Variants in PTGFRN observed in about 807,000 individuals in gnomAD.
PTGFRN encodes the protein prostaglandin F2 receptor inhibitor.
In PTGFRN, 35 loss-of-function variants were observed where a neutral mutation model predicts 83.2. The observed-to-expected ratio is 0.42, with a 90% CI of 0.32 to 0.56. PTGFRN has a LOEUF of 0.56. Ranked by LOEUF, PTGFRN falls within the 20% of genes least tolerant of loss-of-function variation. PTGFRN has a pLI of 0.11. For synonymous variants in PTGFRN, 519 were observed against 498.6 expected, an observed-to-expected ratio of 1.04 and a Z score of -0.55; for missense variants, 1,051 against 1,179.5, an observed-to-expected ratio of 0.89 and a Z score of 1.60.
At chr1:116,948,990 T>G (rs1256427586) in intron 3 of PTGFRN, among the ~76,000 whole-genome samples, 1 of 152,228 alleles carries the variant, frequency 6.6e-6, no homozygotes, top group Non-Finnish European at 1.5e-5. Flanking sequence ...GCGGCTATTG[T>G]TGTTTTTATA....
At chr1:116,974,490 TG>T in intron 7 of PTGFRN, 167 bp downstream of exon 7, 1 of 502,450 alleles carries the variant, frequency 2.0e-6, no homozygotes. Context: ...AAATACATGT[TG>T]AGTGGATGCA....
Position 116,984,960 on chromosome 1 carries a change from C to T in PTGFRN, c.2448C>T (p.Pro816=), listed in dbSNP as rs1305304723. The change falls in exon 8 of 9, where the codon CCC becomes CCT. Residue 816 remains proline, a synonymous_variant. Coordinates refer to ENST00000393203, the MANE Select transcript of PTGFRN (RefSeq NM_020440.4). The part of the protein sequence containing the change: ...WQKEAEIHSK[P]VFITVKMDVL... ...AGGAGGCAGAGATCCACTCCAAGCC[C>T]GTTTTTATAACTGTGAAGATGGATG... The T allele has an allele frequency of 9.3e-6, 15 of 1,613,872 alleles. No homozygotes were observed. Among genetic ancestry groups the T allele is most frequent in the Middle Eastern group, 3.3e-4 (2 of 6,056 alleles).
intron 1 of PTGFRN, among the ~76,000 whole-genome samples, chr1:116,930,006 C>G (rs1239248055): frequency 6.6e-6 from 1 of 152,188 alleles, no homozygotes; most frequent in Non-Finnish European, 1.5e-5. Flanking sequence ...TTTCTCTTTT[C>G]TCAGCACCCA....
intron 3 of PTGFRN, among the ~76,000 whole-genome samples, chr1:116,945,744 CTTTTT>C (rs5777292): frequency 7.7e-6 from 1 of 130,356 alleles, no homozygotes; most frequent in African/African-American, 2.8e-5. Flanking sequence ...TGTGAATCAG[CTTTTT>C]TTTTTTTTTT....
Position 116,941,855 on chromosome 1 carries a change from G to GGGAGCAGCTTTGT in PTGFRN, c.196_208dup (p.Leu70GlnfsTer68). The GGGAGCAGCTTTGT allele has an allele frequency of 6.2e-7, 1 of 1,614,158 alleles. No homozygotes were observed. Among genetic ancestry groups the GGGAGCAGCTTTGT allele is most frequent in the Non-Finnish European group, 8.5e-7 (1 of 1,180,010 alleles). On this transcript the variant is annotated frameshift_variant, in exon 2 of 9. Coordinates refer to ENST00000393203, the MANE Select transcript of PTGFRN (RefSeq NM_020440.4). LOFTEE classifies it high-confidence loss of function. This position sits in a 1 kb window ranked among gnomAD's most constrained non-coding sequence, Gnocchi z 5.0. ...CTTTGACTGGAGCTTCTCATCTTTG[G>GGGAGCAGCTTTGT]GGAGCAGCTTTGTGGAGCTTGCAAG...
At chr1:116,929,908 C>A (rs142776575) in intron 1 of PTGFRN, among the ~76,000 whole-genome samples, 1 of 152,200 alleles carries the variant, frequency 6.6e-6, no homozygotes, top group Non-Finnish European at 1.5e-5. Context: ...TGTTCCTTCT[C>A]TCCTGGCTCT....
intron 4 of PTGFRN, among the ~76,000 whole-genome samples, chr1:116,960,784 C>G (rs1650627902): frequency 6.6e-6 from 1 of 152,142 alleles, no homozygotes; most frequent in South Asian, 2.1e-4. Context: ...ACTGATGGGC[C>G]TCGAGTTCTG....
In PTGFRN at chr1:116,961,673, G is replaced by GA. The variant is rs745324400; in HGVS notation, c.1639+7dup. ...ACATATTTTGGGCATTAGAAGGTAGGAACTTTTTTCTTGTTATTCATTTTT... is the reference window on the plus strand; with the variant it reads ...ACATATTTTGGGCATTAGAAGGTAGGAAACTTTTTTCTTGTTATTCATTTTT... On this transcript the variant is annotated splice_donor_region_variant and intron_variant, in intron 5 of 8. Transcript: ENST00000393203. This position sits in a 1 kb window ranked among gnomAD's most constrained non-coding sequence, Gnocchi z 5.4. 6.3e-7 allele frequency: 1 copy of GA among 1,593,994 alleles called. No individual in the cohort carries two copies. The highest frequency in any genetic ancestry group is 1.4e-5 in the African/African-American group (1 of 73,824).
intron 1 of PTGFRN, among the ~76,000 whole-genome samples, chr1:116,932,209 T>C (rs1557960708): frequency 6.6e-6 from 1 of 152,222 alleles, no homozygotes; most frequent in Non-Finnish European, 1.5e-5. Flanking sequence ...ATAAATGAAG[T>C]GTAGTCTTCA....
rs531278323 is a variant in PTGFRN at position 116,953,853 on chromosome 1, C to CTTTTTT, written c.1213+4293_1213+4298dup. ...AGAAAGAAAAACTTCATGAATATTTCTTTTTTTTTTTTTTTTTGAGATGGA... is the reference window on the plus strand; with the variant it reads ...AGAAAGAAAAACTTCATGAATATTTCTTTTTTTTTTTTTTTTTTTTTTTGAGATGGA... On this transcript the variant is annotated intron_variant, in intron 4 of 8. Coordinates refer to ENST00000393203, the MANE Select transcript of PTGFRN (RefSeq NM_020440.4). Among the ~76,000 whole-genome samples the CTTTTTT allele has an allele frequency of 1.5e-5, 2 of 135,042 alleles. 1 individual carries two copies. Among genetic ancestry groups the CTTTTTT allele is most frequent in the Non-Finnish European group, 3.2e-5 (2 of 62,300 alleles). The allele number at this position is 135,042 out of a possible 152,430, so 88.6% of individuals were successfully genotyped here.
At chr1:116,979,704 T>C (rs904690248) in intron 7 of PTGFRN, among the ~76,000 whole-genome samples, 2 of 152,162 alleles carry the variant, frequency 1.3e-5, no homozygotes, top group African/African-American at 4.8e-5. Flanking sequence ...TCCTTACACC[T>C]TATACAAAAA....
At chr1:116,970,853 C>T (rs1219688253) in intron 6 of PTGFRN, among the ~76,000 whole-genome samples, 1 of 152,112 alleles carries the variant, frequency 6.6e-6, no homozygotes, top group African/African-American at 2.4e-5. Context: ...CCTTCCTGTC[C>T]CCTGATTTCA....
chr1:116,910,575 G>T (rs1649241755), intron 1 of PTGFRN, among the ~76,000 whole-genome samples: 1 of 152,044 alleles, frequency 6.6e-6, no homozygotes, highest in South Asian at 2.1e-4. Context: ...GCCGCCGGGA[G>T]CCCGGCTCAC....
Position 116,967,129 on chromosome 1 carries a change from A to G in PTGFRN, c.1858A>G (p.Thr620Ala). The G allele has an allele frequency of 1.2e-6, 2 of 1,614,190 alleles. No homozygotes were observed. The highest frequency in any genetic ancestry group is 8.5e-7 in the Non-Finnish European group (1 of 1,180,044). ...QDSVVKLENW[T>A]DASRVDGVVL... Reference sequence around the variant, plus strand: ...TTCTGTGGTGAAGCTGGAGAATTGGACAGATGCATCACGGGTGGATGGCGT... The same window carrying G: ...TTCTGTGGTGAAGCTGGAGAATTGGGCAGATGCATCACGGGTGGATGGCGT... Residue 620 changes from threonine to alanine, a missense_variant, in exon 6 of 9, where the codon ACA (threonine) becomes GCA (alanine). By Grantham distance (58) the Thr-to-Ala change is moderately conservative. Coordinates refer to ENST00000393203, the MANE Select transcript of PTGFRN (RefSeq NM_020440.4).
At chr1:116,950,105 C>G (rs1650304534) in intron 4 of PTGFRN, among the ~76,000 whole-genome samples, 1 of 152,132 alleles carries the variant, frequency 6.6e-6, no homozygotes, top group Non-Finnish European at 1.5e-5. Context: ...TGTGGACGCT[C>G]TCACCCCAGG....
At position 116,977,188 on chromosome 1, in the gene PTGFRN, A is replaced by G. The variant is rs565578594; in HGVS notation, c.2167+2865A>G. ...GAAGAACTAACTATCCTAAATATAT[A>G]TGCACCCAATACAGGAGCACCTAGA... is the stretch of plus-strand genomic sequence containing the variant. On this transcript the variant is annotated intron_variant, in intron 7 of 8. Coordinates refer to ENST00000393203, the MANE Select transcript of PTGFRN (RefSeq NM_020440.4). 3.3e-5 allele frequency among the ~76,000 whole-genome samples: 5 copies of G among 152,332 alleles called. No homozygotes were observed. The East Asian group carries it at 5.8e-4, about 18-fold the overall frequency.
Position 116,952,080 on chromosome 1 carries a change from C to T in PTGFRN, c.1213+2508C>T, listed in dbSNP as rs1650368642. On this transcript the variant is annotated intron_variant, in intron 4 of 8. Coordinates refer to ENST00000393203, the MANE Select transcript of PTGFRN (RefSeq NM_020440.4). The surrounding 1 kb of genome is among the most constrained non-coding windows in gnomAD (Gnocchi z 4.0). The stretch of plus-strand genomic sequence containing the variant: ...TGCAAAACTCAGTTTTGCCACTTGA[C>T]AGATTAAAATGAATAATTACCATTT... Among the ~76,000 whole-genome samples the T allele has an allele frequency of 6.6e-6, 1 of 152,202 alleles. No individual in the cohort carries two copies. Among genetic ancestry groups the T allele is most frequent in the Admixed American group, 6.5e-5 (1 of 15,284 alleles).
chr1:116,940,320 C>T (rs1427754826), intron 1 of PTGFRN, among the ~76,000 whole-genome samples: 1 of 152,146 alleles, frequency 6.6e-6, no homozygotes, highest in Non-Finnish European at 1.5e-5. Flanking sequence ...TTGTGGAGGT[C>T]CTTGGCTTGT....
At chr1:116,939,951 C>T (rs963175170) in intron 1 of PTGFRN, among the ~76,000 whole-genome samples, 14 of 152,184 alleles carry the variant, frequency 9.2e-5, no homozygotes, top group African/African-American at 2.9e-4. Context: ...CAGTTCCCAA[C>T]AAGTTCCTCA....
Sources: allele counts gnomAD v4.1 joint callset (sites outside exome capture counted in the v4.1 genomes callset), GRCh38; gene constraint gnomAD v4.1.1; non-coding constraint Gnocchi (gnomAD v3.1); transcripts MANE v1.5; gene names NCBI Gene and HGNC (gene_info 2026-07-23, HGNC 2026-07-21).